The following CDK6 variants were observed in gnomAD, a reference collection of about 807,000 sequenced individuals.
CDK6 encodes the protein cyclin-dependent kinase 6.
A neutral mutation model predicts 37.1 loss-of-function variants in CDK6; 6 were observed. That is an observed-to-expected ratio of 0.16 (90% CI 0.09 to 0.32). CDK6 has a LOEUF of 0.32. Ranked by LOEUF, CDK6 falls within the 10% of genes least tolerant of loss-of-function variation. CDK6 has a pLI of 1.00. For synonymous variants in CDK6, 160 were observed against 161.3 expected, an observed-to-expected ratio of 0.99 and a Z score of 0.06; for missense variants, 224 against 418.9, an observed-to-expected ratio of 0.53 and a Z score of 4.06.
At chr7:92,664,008 G>T (rs1312120131) in intron 5 of CDK6, among the ~76,000 whole-genome samples, 3 of 151,992 alleles carry the variant, frequency 2.0e-5, no homozygotes, top group East Asian at 1.9e-4. Context: ...GGGCACGGGG[G>T]CAGGCGCCTG....
intron 2 of CDK6, among the ~76,000 whole-genome samples, chr7:92,813,354 A>T (rs1367215858): frequency 2.0e-5 from 3 of 152,194 alleles, no homozygotes; most frequent in Non-Finnish European, 4.4e-5. Flanking sequence ...AATGCACCAA[A>T]GCTTTCTTCA....
intron 2 of CDK6, among the ~76,000 whole-genome samples, chr7:92,781,473 T>C (rs1799990776): frequency 6.6e-6 from 1 of 152,270 alleles, no homozygotes. Context: ...CATAGGCAAG[T>C]TGCCTTCATC....
At chr7:92,784,081 A>G (rs150711726) in intron 2 of CDK6, among the ~76,000 whole-genome samples, 323 of 149,078 alleles carry the variant, frequency 2.2e-3, no homozygotes, top group Admixed American at 4.8e-3. Flanking sequence ...CTATTATGGG[A>G]AAAAAAAAAG....
Position 92,608,066 on chromosome 7 carries a change from T to C in CDK6, c.*7074A>G. The C allele has an allele frequency of 4.3e-6, 1 of 233,136 alleles. No homozygotes were observed. The highest frequency in any genetic ancestry group is 6.1e-5 in the East Asian group (1 of 16,480). 14.4% of individuals were successfully genotyped at this position (233,136 alleles called of 1,614,324 possible). On this transcript the variant is annotated 3_prime_UTR_variant, in exon 8 of 8. Coordinates refer to ENST00000424848, the MANE Select transcript of CDK6 (RefSeq NM_001145306.2). ...AACTTTCAAGTAAGGGTACAACGGG[T>C]ATCTTCAGAACTTTAACCTAAGCAC...
chr7:92,832,466 A>C (rs889551146), intron 2 of CDK6, among the ~76,000 whole-genome samples: 1 of 152,208 alleles, frequency 6.6e-6, no homozygotes, highest in Admixed American at 6.5e-5. Flanking sequence ...TTTTGGAAGA[A>C]ATTTTTATGA....
chr7:92,687,226 T>G (rs1008288127), intron 4 of CDK6, among the ~76,000 whole-genome samples: 3 of 152,208 alleles, frequency 2.0e-5, no homozygotes, highest in Non-Finnish European at 4.4e-5. Flanking sequence ...CAGCCCTTGC[T>G]GACATCTGGT....
intron 5 of CDK6, among the ~76,000 whole-genome samples, chr7:92,641,353 G>T (rs80327261): frequency 6.6e-6 from 1 of 152,088 alleles, no homozygotes; most frequent in Non-Finnish European, 1.5e-5. Context: ...ATTTATATCA[G>T]CATGGACTCA....
At chr7:92,775,143 T>TG (rs2115788772) in intron 2 of CDK6, among the ~76,000 whole-genome samples, 1 of 152,286 alleles carries the variant, frequency 6.6e-6, no homozygotes, top group South Asian at 2.1e-4. Flanking sequence ...AACTTGCCAA[T>TG]GGGGATAATT....
At chr7:92,807,765 C>G (rs1800765026) in intron 2 of CDK6, among the ~76,000 whole-genome samples, 1 of 152,050 alleles carries the variant, frequency 6.6e-6, no homozygotes, top group Non-Finnish European at 1.5e-5. Context: ...ACAAGGCCTT[C>G]TCTTATCTAT....
At chr7:92,719,928 A>G (rs1021939334) in intron 4 of CDK6, among the ~76,000 whole-genome samples, 4 of 152,160 alleles carry the variant, frequency 2.6e-5, no homozygotes, top group African/African-American at 7.2e-5. Context: ...ATGTACACTG[A>G]GAGCAGCACA....
At chr7:92,615,871 G>T (rs569740484) in intron 7 of CDK6, among the ~76,000 whole-genome samples, 5 of 152,350 alleles carry the variant, frequency 3.3e-5, no homozygotes, top group Admixed American at 2.0e-4. Context: ...GAGGTAGAAG[G>T]TGAAAGGAGG....
chr7:92,820,146 A>G (rs1449953844), intron 2 of CDK6, among the ~76,000 whole-genome samples: 4 of 152,132 alleles, frequency 2.6e-5, no homozygotes, highest in Admixed American at 6.5e-5. Context: ...TAAAAAGGCA[A>G]TTAGAAACTC....
At chr7:92,659,927 T>C (rs1796799217) in intron 5 of CDK6, among the ~76,000 whole-genome samples, 2 of 152,158 alleles carry the variant, frequency 1.3e-5, no homozygotes, top group African/African-American at 4.8e-5. Context: ...CAAGATACTC[T>C]GATTAAAGCT....
chr7:92,813,965 C>A (rs991127288), intron 2 of CDK6, among the ~76,000 whole-genome samples: 1 of 152,134 alleles, frequency 6.6e-6, no homozygotes, highest in Non-Finnish European at 1.5e-5. Flanking sequence ...TTGAGTATCC[C>A]GCAAGCTTCA....
At chr7:92,747,825 G>C (rs1353658950) in intron 3 of CDK6, among the ~76,000 whole-genome samples, 2 of 152,026 alleles carry the variant, frequency 1.3e-5, no homozygotes, top group Non-Finnish European at 2.9e-5. Flanking sequence ...TGCTGCACAA[G>C]GACTTACAGA....
chr7:92,831,152 C>T (rs1432279090), intron 2 of CDK6, among the ~76,000 whole-genome samples: 1 of 152,156 alleles, frequency 6.6e-6, no homozygotes, highest in African/African-American at 2.4e-5. Context: ...TCCTGAAATT[C>T]ACAGTACAGA....
chr7:92,615,472 C>T (rs1795656551), intron 7 of CDK6, among the ~76,000 whole-genome samples, 186 bp from the exon 8 acceptor site: 1 of 152,158 alleles, frequency 6.6e-6, no homozygotes, highest in African/African-American at 2.4e-5. Flanking sequence ...TATAAAATGT[C>T]CCTCAGGAGA....
intron 4 of CDK6, among the ~76,000 whole-genome samples, chr7:92,693,488 A>ATT (rs1797640890): frequency 1.3e-5 from 2 of 152,156 alleles, no homozygotes; most frequent in Non-Finnish European, 2.9e-5. Context: ...TCTGTTTTCT[A>ATT]ATTTATTCAT....
At chr7:92,822,133 A>C (rs1040300779) in intron 2 of CDK6, among the ~76,000 whole-genome samples, 6 of 152,114 alleles carry the variant, frequency 3.9e-5, no homozygotes, top group Non-Finnish European at 8.8e-5. Flanking sequence ...GAGAATCTTA[A>C]ACCATGTTCA....
Sources: allele counts gnomAD v4.1 joint callset (sites outside exome capture counted in the v4.1 genomes callset), GRCh38; gene constraint gnomAD v4.1.1; transcripts MANE v1.5; gene names NCBI Gene and HGNC (gene_info 2026-07-23, HGNC 2026-07-21).